RSPH14: variants seen among roughly 807,000 people sequenced by gnomAD.
RSPH14 encodes the protein radial spoke head 14 homolog.
Under a neutral mutation model 26.7 loss-of-function variants are expected in RSPH14, and 20 were observed. That is an observed-to-expected ratio of 0.75 (90% CI 0.53 to 1.09). RSPH14 has a LOEUF of 1.09. RSPH14 is among the 50% of genes least tolerant of loss of function. The pLI is 0.00. For synonymous variants in RSPH14, 177 were observed against 189.3 expected (o/e 0.93, Z 0.53); for missense variants, 449 against 457.2 (o/e 0.98, Z 0.16).
chr22:23,070,113 G>A (rs1228458717), intron 4 of RSPH14, among the ~76,000 whole-genome samples: 3 of 152,066 alleles, frequency 2.0e-5, no homozygotes, highest in Non-Finnish European at 4.4e-5. Context: ...CGGGACTGCG[G>A]CGCGCGCGGA....
At chr22:23,171,196 G>A in the RSPH14 span, among the ~76,000 whole-genome samples, 2 of 152,034 alleles carry the variant, frequency 1.3e-5, no homozygotes, top group South Asian at 2.1e-4. Context: ...TCAATCTCCT[G>A]ACCTCATGAT....
At chr22:23,089,107 G>A (rs2068891887) in intron 4 of RSPH14, among the ~76,000 whole-genome samples, 1 of 152,216 alleles carries the variant, frequency 6.6e-6, no homozygotes, top group South Asian at 2.1e-4. Context: ...AGGGAGGCAG[G>A]TAGCTAGGGA....
At position 23,134,126 on chromosome 22, in the gene RSPH14, G is replaced by C. The variant is rs749202804; in HGVS notation, c.321C>G (p.His107Gln). The C allele has an allele frequency of 6.2e-7, 1 of 1,610,760 alleles. No individual in the cohort carries two copies. The highest frequency in any genetic ancestry group is 1.1e-5 in the South Asian group (1 of 90,958). ...HSVGRYAFLE[H>Q]DIVLALSFLL... ...GGAAGGACAGGGCAAGGACGATGTC[G>C]TGCTCTAGAAAGGCGTATCTAGGGA... The change falls in exon 4 of 7, where the codon CAC becomes CAG. Residue 107 changes from histidine (H) to glutamine (Q), a missense_variant. Transcript: ENST00000216036.
At chr22:23,089,865 A>G (rs553575510) in intron 4 of RSPH14, among the ~76,000 whole-genome samples, 83 of 152,216 alleles carry the variant, frequency 5.5e-4, no homozygotes, top group South Asian at 1.9e-3. Context: ...TTAAGAGCCT[A>G]CAGCCAAGAG....
chr22:23,083,811 C>T (rs999540889), intron 4 of RSPH14, among the ~76,000 whole-genome samples: 18 of 152,234 alleles, frequency 1.2e-4, no homozygotes, highest in African/African-American at 4.3e-4. Context: ...CACACCACAC[C>T]TGTTCAAGGT....
the RSPH14 span, among the ~76,000 whole-genome samples, chr22:23,169,450 G>C: frequency 6.6e-6 from 1 of 152,238 alleles, no homozygotes; most frequent in Middle Eastern, 3.2e-3. Context: ...CGCGGAAAAG[G>C]AGCAAGAAAG....
chr22:23,072,987 G>C (rs1227629347), intron 4 of RSPH14, among the ~76,000 whole-genome samples: 1 of 152,214 alleles, frequency 6.6e-6, no homozygotes, highest in Non-Finnish European at 1.5e-5. Context: ...GAGGCCAGTG[G>C]GACAGGAATG....
intron 4 of RSPH14, among the ~76,000 whole-genome samples, chr22:23,132,412 A>G (rs544139920): frequency 6.6e-6 from 1 of 152,260 alleles, no homozygotes; most frequent in Admixed American, 6.5e-5. Context: ...GGTAGCTGTT[A>G]CCCTGGACTC....
chr22:23,082,139 A>G (rs541151779), intron 4 of RSPH14, among the ~76,000 whole-genome samples: 1 of 151,510 alleles, frequency 6.6e-6, no homozygotes, highest in African/African-American at 2.4e-5. Flanking sequence ...AAAAAACAAA[A>G]AAAAAAAACA....
the RSPH14 span, chr22:23,155,898 C>A: frequency 7.0e-7 from 1 of 1,422,398 alleles, no homozygotes; most frequent in Non-Finnish European, 9.5e-7. Context: ...GGTCCCGTAG[C>A]CTGTTGGCTC....
At chr22:23,074,261 GC>G (rs1414790824) in intron 4 of RSPH14, among the ~76,000 whole-genome samples, 1 of 152,194 alleles carries the variant, frequency 6.6e-6, no homozygotes. Flanking sequence ...AAGGCTGGGG[GC>G]CATGAGGGGC....
At chr22:23,173,769 C>T in the RSPH14 span, among the ~76,000 whole-genome samples, 1 of 151,906 alleles carries the variant, frequency 6.6e-6, no homozygotes, top group African/African-American at 2.4e-5. Flanking sequence ...TGCAGCAGCA[C>T]GATCTTGGCT....
rs74347071 is a variant in RSPH14 at position 23,085,805 on chromosome 22, G to A, written c.422-21672C>T. 3.2e-3 allele frequency among the ~76,000 whole-genome samples: 494 copies of A among 152,304 alleles called. 2 individuals are homozygous for A. The highest frequency in any genetic ancestry group is 0.011 in the African/African-American group (470 of 41,578). ...CAGAGCAGGGGGCTGCAACACCATC[G>A]AACCCTAGGAGGTGGCCTAAGGCCA... On this transcript the variant is annotated intron_variant, in intron 4 of 6. Transcript: ENST00000216036.
rs2068677933 is a variant in RSPH14 at position 23,081,542 on chromosome 22, TAGGCCAATC to T, written c.422-17418_422-17410del. On this transcript the variant is annotated intron_variant, in intron 4 of 6. Transcript: ENST00000216036. ...AATCAGGTTATAGGCCAATATGTTA[TAGGCCAATC>T]AGGTTCATGCCTGTAATCCCAGCAC... Among the ~76,000 whole-genome samples, 3 of 151,948 alleles carry T rather than the reference TAGGCCAATC, an allele frequency of 2.0e-5. No homozygotes were observed. The East Asian group carries it at 5.8e-4, about 29-fold the overall frequency.
upstream of RSPH14, among the ~76,000 whole-genome samples, chr22:23,149,642 A>G (rs143769457): frequency 9.2e-5 from 14 of 152,258 alleles, no homozygotes; most frequent in African/African-American, 2.6e-4. Context: ...AGCTGAAGCA[A>G]TCCTTCCACC....
chr22:23,115,729 G>T (rs969663531), intron 4 of RSPH14, among the ~76,000 whole-genome samples: 13 of 152,202 alleles, frequency 8.5e-5, no homozygotes, highest in African/African-American at 3.1e-4. Flanking sequence ...GTTGGGGGCC[G>T]GGGCTCATGT....
chr22:23,151,883 T>C, the RSPH14 span, among the ~76,000 whole-genome samples: 1 of 152,174 alleles, frequency 6.6e-6, no homozygotes, highest in Non-Finnish European at 1.5e-5. Flanking sequence ...GCCTCAGCCC[T>C]GTTCGGGGTG....
intron 4 of RSPH14, among the ~76,000 whole-genome samples, chr22:23,085,436 C>A (rs1264872614): frequency 6.6e-6 from 1 of 152,176 alleles, no homozygotes; most frequent in South Asian, 2.1e-4. Context: ...GGTTGAGTGA[C>A]TGATCAGTTG....
chr22:23,144,270 C>T (rs117632799), upstream of RSPH14, among the ~76,000 whole-genome samples: 2 of 151,990 alleles, frequency 1.3e-5, no homozygotes, highest in African/African-American at 2.4e-5. Context: ...CTCTGCTTCC[C>T]GCAGTGGACT....
Sources: allele counts gnomAD v4.1 joint callset (sites outside exome capture counted in the v4.1 genomes callset), GRCh38; gene constraint gnomAD v4.1.1; transcripts MANE v1.5; gene names NCBI Gene and HGNC (gene_info 2026-07-23, HGNC 2026-07-21).